The following NKAIN3 variants were observed in gnomAD, a reference collection of about 807,000 sequenced individuals.
NKAIN3 encodes sodium/potassium transporting ATPase interacting 3, also known as sodium/potassium-transporting ATPase subunit beta-1-interacting protein 3.
Under a neutral mutation model 30.2 loss-of-function variants are expected in NKAIN3, and 25 were observed. The ratio of observed to expected loss-of-function variants is 0.83; its 90% CI spans 0.60 to 1.16. The LOEUF (loss-of-function observed/expected upper bound fraction) is 1.16. Among genes scored for constraint, NKAIN3 ranks in the 50% most tolerant of loss-of-function variants. NKAIN3 has a pLI of 0.00. For missense variants in NKAIN3, 225 were observed against 254.1 expected (o/e 0.89, Z 0.78); for synonymous variants, 91 against 89.6 (o/e 1.02, Z -0.09).
chr8:62,805,942 A>C (rs975930143), intron 4 of NKAIN3, among the ~76,000 whole-genome samples: 2 of 152,214 alleles, frequency 1.3e-5, no homozygotes, highest in Non-Finnish European at 2.9e-5. Context: ...CAATGAACTC[A>C]AACAAATTTA....
intron 1 of NKAIN3, among the ~76,000 whole-genome samples, chr8:62,258,702 A>G (rs117637781): frequency 0.011 from 1,656 of 152,274 alleles, 15 homozygotes; most frequent in Non-Finnish European, 0.018. Context: ...ACAAGCACTT[A>G]ATACAAATCA....
intron 4 of NKAIN3, among the ~76,000 whole-genome samples, chr8:62,891,812 C>A (rs1211414004): frequency 6.6e-6 from 1 of 152,158 alleles, no homozygotes; most frequent in African/African-American, 2.4e-5. Flanking sequence ...TCCTTCTTTT[C>A]TCTTCATCAC....
chr8:62,706,877 T>G (rs931557932), intron 3 of NKAIN3, among the ~76,000 whole-genome samples: 2 of 152,040 alleles, frequency 1.3e-5, no homozygotes, highest in Non-Finnish European at 2.9e-5. Context: ...ATTGTATCAT[T>G]CATATGCCTT....
intron 1 of NKAIN3, among the ~76,000 whole-genome samples, chr8:62,470,093 G>C (rs1294266246): frequency 6.6e-6 from 1 of 152,108 alleles, no homozygotes; most frequent in Admixed American, 6.6e-5. Flanking sequence ...CCTCTACTCT[G>C]CTGAAATACT....
chr8:62,745,370 C>T (rs546138894), intron 3 of NKAIN3, among the ~76,000 whole-genome samples: 2 of 152,330 alleles, frequency 1.3e-5, no homozygotes, highest in East Asian at 3.9e-4. Context: ...AGACAGAGCT[C>T]ACTGTTGGAG....
At chr8:62,402,624 C>T (rs747413234) in intron 1 of NKAIN3, among the ~76,000 whole-genome samples, 2 of 152,124 alleles carry the variant, frequency 1.3e-5, no homozygotes, top group Non-Finnish European at 2.9e-5. Context: ...TCCGTCCTGC[C>T]GCCCTGTGAA....
Position 62,973,965 on chromosome 8 carries a change from A to G in NKAIN3, c.*8558A>G, listed in dbSNP as rs1823890193. On this transcript the variant is annotated 3_prime_UTR_variant, in exon 7 of 7. Transcript: ENST00000623646. Reference sequence around the variant, plus strand: ...GTTTTTATCAGGTTTGTCAAAGATCAGATGGTTGTAGATGTGTGGTGTTAT... The same window carrying G: ...GTTTTTATCAGGTTTGTCAAAGATCGGATGGTTGTAGATGTGTGGTGTTAT... Among the ~76,000 whole-genome samples the G allele has an allele frequency of 6.6e-6, 1 of 152,182 alleles. No homozygotes were observed.
intron 1 of NKAIN3, among the ~76,000 whole-genome samples, chr8:62,345,439 A>G (rs1221218439): frequency 7.2e-6 from 1 of 139,104 alleles, no homozygotes; most frequent in Admixed American, 7.2e-5. Context: ...ACATATATGT[A>G]TATATACACA....
At chr8:62,821,899 C>T (rs1445120970) in intron 4 of NKAIN3, among the ~76,000 whole-genome samples, 1 of 151,068 alleles carries the variant, frequency 6.6e-6, no homozygotes. Flanking sequence ...AAAAATTCGG[C>T]GAATTTTTAT....
chr8:62,861,853 C>T (rs72655008), intron 4 of NKAIN3, among the ~76,000 whole-genome samples: 12,548 of 152,280 alleles, frequency 0.082, 577 homozygotes, highest in South Asian at 0.14. Context: ...AAAATCATTA[C>T]CTAAAACCAA....
intron 5 of NKAIN3, among the ~76,000 whole-genome samples, chr8:62,998,617 C>G (rs1804182203): frequency 6.6e-6 from 1 of 152,120 alleles, no homozygotes; most frequent in East Asian, 1.9e-4. Context: ...ACTGCTGATC[C>G]CTCACCAGTC....
At chr8:62,890,188 G>A (rs1821261461) in intron 4 of NKAIN3, among the ~76,000 whole-genome samples, 1 of 152,194 alleles carries the variant, frequency 6.6e-6, no homozygotes, top group Non-Finnish European at 1.5e-5. Flanking sequence ...TGGAAGGATA[G>A]TAAGCCAACA....
At chr8:62,665,955 C>A (rs552626377) in intron 3 of NKAIN3, among the ~76,000 whole-genome samples, 1 of 152,262 alleles carries the variant, frequency 6.6e-6, no homozygotes, top group South Asian at 2.1e-4. Context: ...ATGGTTCACG[C>A]CTGTAATCCC....
At chr8:62,453,258 G>T (rs1805707918) in intron 1 of NKAIN3, among the ~76,000 whole-genome samples, 1 of 151,994 alleles carries the variant, frequency 6.6e-6, no homozygotes, top group Non-Finnish European at 1.5e-5. Context: ...TTTAAAGAAA[G>T]AATCAACCTG....
intron 1 of NKAIN3, among the ~76,000 whole-genome samples, chr8:62,576,851 C>T (rs1208956265): frequency 6.6e-6 from 1 of 151,994 alleles, no homozygotes; most frequent in Non-Finnish European, 1.5e-5. Flanking sequence ...AACAAAGCAA[C>T]TTGGATATAA....
chr8:62,505,954 C>A (rs1187131509), intron 1 of NKAIN3, among the ~76,000 whole-genome samples: 1 of 152,042 alleles, frequency 6.6e-6, no homozygotes, highest in Non-Finnish European at 1.5e-5. Flanking sequence ...TTTTTAGCCT[C>A]AAGAGGCAAC....
chr8:62,733,478 T>G (rs1563536915), intron 3 of NKAIN3, among the ~76,000 whole-genome samples: 1 of 152,196 alleles, frequency 6.6e-6, no homozygotes, highest in Non-Finnish European at 1.5e-5. Context: ...GAGTAATAGG[T>G]TCTTGCTTCC....
intron 3 of NKAIN3, among the ~76,000 whole-genome samples, chr8:62,604,120 C>T (rs1006218533): frequency 1.3e-5 from 2 of 152,078 alleles, no homozygotes; most frequent in Non-Finnish European, 2.9e-5. Context: ...TTCCATGTCC[C>T]ATCTGAGGAC....
intron 3 of NKAIN3, among the ~76,000 whole-genome samples, chr8:62,701,618 A>G (rs1404206091): frequency 1.3e-5 from 2 of 152,202 alleles, no homozygotes; most frequent in African/African-American, 2.4e-5. Flanking sequence ...ATGCTATGCA[A>G]CAGAATTATA....
Sources: gnomAD v4.1 joint callset for allele counts (sites outside exome capture counted in the v4.1 genomes callset) on GRCh38, gnomAD v4.1.1 for gene constraint, MANE v1.5 for transcripts, NCBI Gene and HGNC (gene_info 2026-07-23, HGNC 2026-07-21) for gene names.